GPC3: variants seen among roughly 807,000 people sequenced by gnomAD.
GPC3 encodes the protein glypican 3, also known as glypican-3.
Under a neutral mutation model 34.4 loss-of-function variants are expected in GPC3, and 3 were observed. That is an observed-to-expected ratio of 0.09 (90% confidence interval 0.04 to 0.23). The LOEUF (loss-of-function observed/expected upper bound fraction) is 0.23. GPC3 is among the 10% of genes least tolerant of loss of function. The probability of loss-of-function intolerance (pLI) is 1.00; values close to 1 mark genes in which losing one functional copy is unlikely to be tolerated. For missense variants in GPC3, 351 were observed against 445.6 expected (o/e 0.79, Z 1.91); for synonymous variants, 177 against 174.0 (o/e 1.02, Z -0.13).
chrX:133,804,717 T>C (rs1231222649), intron 2 of GPC3, among the ~76,000 whole-genome samples: 1 of 111,815 alleles, frequency 8.9e-6, no homozygotes, highest in African/African-American at 3.2e-5. Flanking sequence ...AAAAATAATT[T>C]CTAAAAATTG....
intron 2 of GPC3, among the ~76,000 whole-genome samples, chrX:133,907,447 G>GA (rs1190244723): frequency 1.1e-4 from 12 of 107,127 alleles, no homozygotes; most frequent in Admixed American, 6.0e-4. Flanking sequence ...TAGAAAATAG[G>GA]AAAAAAAAAG....
chrX:133,925,000 T>A (rs1013764067), intron 2 of GPC3, among the ~76,000 whole-genome samples: 50 of 108,250 alleles, frequency 4.6e-4, no homozygotes, highest in African/African-American at 1.7e-3. Flanking sequence ...GAGGCAGAGG[T>A]TGCAATGAGC....
In GPC3 at chrX:133,616,697, ATT is replaced by A. The variant is rs765661060; in HGVS notation, c.1414-20100_1414-20099del. 3.0e-3 allele frequency among the ~76,000 whole-genome samples: 290 copies of A among 95,218 alleles called. 1 individual carries two copies. Among genetic ancestry groups the A allele is most frequent in the African/African-American group, 0.01 (263 of 25,856 alleles). The allele number at this position is 95,218 out of a possible 115,157, so 82.7% of individuals were successfully genotyped here. A position where few individuals can be genotyped will look rare whatever the true frequency, so the allele number is the denominator to read the frequency against. ...AATATAATTGAGAGTACAGAAATTG[ATT>A]TTTTTTTTTTTTTTTTGAGATGGAG... is the stretch of plus-strand genomic sequence containing the variant. On this transcript the variant is annotated intron_variant, in intron 6 of 7. Coordinates refer to ENST00000370818, the MANE Select transcript of GPC3 (RefSeq NM_004484.4).
chrX:133,741,231 GGACT>G (rs1223535712), intron 3 of GPC3, among the ~76,000 whole-genome samples: 1 of 107,491 alleles, frequency 9.3e-6, no homozygotes, highest in Non-Finnish European at 1.9e-5. Flanking sequence ...CCTTGATCTT[GGACT>G]TTCAACCCCT....
intron 2 of GPC3, among the ~76,000 whole-genome samples, chrX:133,895,416 A>G (rs1457175475): frequency 1.8e-5 from 2 of 110,022 alleles, no homozygotes; most frequent in Non-Finnish European, 1.9e-5. Flanking sequence ...CTGAATCTCC[A>G]CCCCCCGTCC....
chrX:133,646,606 G>C (rs1290034078), intron 6 of GPC3, among the ~76,000 whole-genome samples: 4 of 112,165 alleles, frequency 3.6e-5, no homozygotes, highest in African/African-American at 6.5e-5. Context: ...TTGCTGTTTT[G>C]GCTCAGCTCT....
chrX:133,835,418 T>C (rs2124546999), intron 2 of GPC3, among the ~76,000 whole-genome samples: 1 of 112,045 alleles, frequency 8.9e-6, no homozygotes, highest in Non-Finnish European at 1.9e-5. Flanking sequence ...AAATAATCTA[T>C]AACCCCCATA....
intron 7 of GPC3, among the ~76,000 whole-genome samples, chrX:133,594,860 A>C: frequency 9.3e-6 from 1 of 107,051 alleles, no homozygotes; most frequent in South Asian, 3.9e-4. Flanking sequence ...ATTCCATGTT[A>C]GTTTTTTTTT....
chrX:133,740,161 G>A (rs2071550307), intron 3 of GPC3, among the ~76,000 whole-genome samples: 1 of 112,021 alleles, frequency 8.9e-6, no homozygotes, highest in Non-Finnish European at 1.9e-5. Flanking sequence ...TCTGAATGGG[G>A]CCTTTCAGAG....
intron 2 of GPC3, among the ~76,000 whole-genome samples, chrX:133,794,670 G>T (rs764396828): frequency 2.7e-5 from 3 of 111,792 alleles, no homozygotes; most frequent in Non-Finnish European, 5.6e-5. Context: ...GGTTGTAAAC[G>T]TGCCTTCACA....
At chrX:133,617,234 C>T (rs762727198) in intron 6 of GPC3, among the ~76,000 whole-genome samples, 1 of 111,682 alleles carries the variant, frequency 9.0e-6, no homozygotes, top group South Asian at 3.8e-4. Flanking sequence ...TTCATTGAAG[C>T]CTACAGCCAT....
intron 2 of GPC3, among the ~76,000 whole-genome samples, chrX:133,923,582 G>A (rs893718257): frequency 1.8e-5 from 2 of 111,650 alleles, no homozygotes; most frequent in African/African-American, 6.5e-5. Context: ...ACAGAAAGAG[G>A]GAAAACTGGA....
chrX:133,965,292 C>T (rs911517481), intron 1 of GPC3, among the ~76,000 whole-genome samples: 2 of 110,619 alleles, frequency 1.8e-5, no homozygotes, highest in African/African-American at 6.6e-5. Context: ...CTTCCTCCAG[C>T]ACAGGACAGA....
In GPC3 at chrX:133,638,823, A is replaced by AAAAAAAAAAAAAG. The variant is rs1331436241; in HGVS notation, c.1413+22906_1413+22907insCTTTTTTTTTTTT. Among the ~76,000 whole-genome samples, 552 of 101,382 alleles carry AAAAAAAAAAAAAG rather than the reference A, an allele frequency of 5.4e-3. 10 individuals are homozygous for AAAAAAAAAAAAAG. The highest frequency in any genetic ancestry group is 0.02 in the African/African-American group (530 of 26,385). The allele number at this position is 101,382 out of a possible 115,157, so 88.0% of individuals were successfully genotyped here. ...AACACTAACAATAGCTGATGAGCTA[A>AAAAAAAAAAAAAG]AAAAAAAAAAAAAGAAAAAAATCGC... On this transcript the variant is annotated intron_variant, in intron 6 of 7. Transcript: ENST00000370818.
At chrX:133,975,389 C>T (rs1214867092) in intron 1 of GPC3, among the ~76,000 whole-genome samples, 5 of 112,424 alleles carry the variant, frequency 4.4e-5, no homozygotes, top group Non-Finnish European at 9.4e-5. Flanking sequence ...TGTCATTTTG[C>T]CTCTTAATTC....
chrX:133,886,355 A>G (rs921938225), intron 2 of GPC3, among the ~76,000 whole-genome samples: 2 of 110,207 alleles, frequency 1.8e-5, no homozygotes, highest in African/African-American at 6.6e-5. Flanking sequence ...ATTTTAAAAA[A>G]AAAAAAAAAG....
In GPC3 at chrX:133,889,404, G is replaced by A. The variant is rs189487037; in HGVS notation, c.337+63646C>T. On this transcript the variant is annotated intron_variant, in intron 2 of 7. Transcript: ENST00000370818. ...ATAGCTAGACATTCCATTGAGAAGGGAGAAATGCACAGAATCACTCCCAAA... is the reference window on the plus strand; with the variant it reads ...ATAGCTAGACATTCCATTGAGAAGGAAGAAATGCACAGAATCACTCCCAAA... Among the ~76,000 whole-genome samples, 340 of 112,124 alleles carry A rather than the reference G, an allele frequency of 3.0e-3. 7 individuals are homozygous for A. Among genetic ancestry groups the A allele is most frequent in the Admixed American group, 0.028 (294 of 10,517 alleles).
chrX:133,805,412 G>A (rs749930499), intron 2 of GPC3, among the ~76,000 whole-genome samples: 1 of 111,838 alleles, frequency 8.9e-6, no homozygotes, highest in Non-Finnish European at 1.9e-5. Flanking sequence ...AGGACTGGGG[G>A]ACAGTGGAAT....
intron 1 of GPC3, among the ~76,000 whole-genome samples, chrX:133,978,674 CT>C (rs765821987): frequency 2.1e-4 from 23 of 111,916 alleles, no homozygotes; most frequent in Non-Finnish European, 3.9e-4. Flanking sequence ...TAAATATTGA[CT>C]TTATGGAAAT....
Sources: gnomAD v4.1 joint callset for allele counts (sites outside exome capture counted in the v4.1 genomes callset) on GRCh38, gnomAD v4.1.1 for gene constraint, MANE v1.5 for transcripts, NCBI Gene and HGNC (gene_info 2026-07-23, HGNC 2026-07-21) for gene names.